Variants in EEF1AKMT1 observed in about 807,000 individuals in gnomAD.
The protein encoded by EEF1AKMT1 is N-6 adenine-specific DNA methyltransferase 2 (putative).
EEF1AKMT1 carries 18 observed loss-of-function variants against 21.0 expected under a neutral mutation model. The observed-to-expected ratio is 0.86, with a 90% confidence interval of 0.59 to 1.27. EEF1AKMT1 has a LOEUF of 1.27. Ranked by LOEUF, EEF1AKMT1 falls within the 50% of genes most tolerant of loss-of-function variation. The probability of loss-of-function intolerance (pLI) is 0.00; values close to 1 mark genes in which losing one functional copy is unlikely to be tolerated. For synonymous variants in EEF1AKMT1, 109 were observed against 94.8 expected, an observed-to-expected ratio of 1.15 and a Z score of -0.87; for missense variants, 246 against 258.6, an observed-to-expected ratio of 0.95 and a Z score of 0.33.
intron 1 of EEF1AKMT1, among the ~76,000 whole-genome samples, chr13:20,758,974 A>G (rs1237361570): frequency 6.6e-6 from 1 of 152,232 alleles, no homozygotes; most frequent in Non-Finnish European, 1.5e-5. Flanking sequence ...CCATTTGCAG[A>G]AGAGTAAAAC....
intron 1 of EEF1AKMT1, among the ~76,000 whole-genome samples, chr13:20,769,560 G>C (rs369737304): frequency 6.6e-6 from 1 of 152,108 alleles, no homozygotes; most frequent in Non-Finnish European, 1.5e-5. Context: ...CATTCCCAGG[G>C]AAAGGCATGG....
chr13:20,732,259 GTTA>G, intron 3 of EEF1AKMT1, 138 bp from the exon 4 acceptor site: 1 of 885,986 alleles, frequency 1.1e-6, no homozygotes, highest in Non-Finnish European at 1.7e-6. Flanking sequence ...TAGTGTAATA[GTTA>G]ATGTTGAGAA....
intron 3 of EEF1AKMT1, among the ~76,000 whole-genome samples, chr13:20,733,508 C>T (rs1487689918): frequency 1.3e-5 from 2 of 152,202 alleles, no homozygotes; most frequent in Admixed American, 1.3e-4. Flanking sequence ...CCACTGTGCC[C>T]AGCTGGTATG....
At chr13:20,752,065 T>C (rs1338644613) in intron 2 of EEF1AKMT1, among the ~76,000 whole-genome samples, 3 of 152,140 alleles carry the variant, frequency 2.0e-5, no homozygotes, top group Admixed American at 1.3e-4. Context: ...TTTCTCTAGG[T>C]GTAAGATCAT....
chr13:20,773,849 C>A (rs928898627), intron 1 of EEF1AKMT1, 72 bp downstream of exon 1: 3 of 152,614 alleles, frequency 2.0e-5, no homozygotes, highest in African/African-American at 7.2e-5. Context: ...ACACAAAAGG[C>A]ACCTAACCCA....
intron 1 of EEF1AKMT1, among the ~76,000 whole-genome samples, chr13:20,761,555 C>A (rs544630682): frequency 6.6e-6 from 1 of 152,214 alleles, no homozygotes; most frequent in African/African-American, 2.4e-5. Flanking sequence ...TTTTCATTTT[C>A]ATTTCTCTGG....
chr13:20,767,905 GTCTAA>G, intron 1 of EEF1AKMT1, among the ~76,000 whole-genome samples: 1 of 152,216 alleles, frequency 6.6e-6, no homozygotes, highest in Non-Finnish European at 1.5e-5. Flanking sequence ...ATTCTTCTAT[GTCTAA>G]TCTATTAATC....
At chr13:20,766,298 C>CAAAAAAAAAAAAAAAAAAAAA (rs35866979) in intron 1 of EEF1AKMT1, among the ~76,000 whole-genome samples, 1 of 76,764 alleles carries the variant, frequency 1.3e-5, no homozygotes, top group Non-Finnish European at 2.3e-5. Context: ...GACTCCATCT[C>CAAAAAAAAAAAAAAAAAAAAA]AAAAAAAAAA....
intron 3 of EEF1AKMT1, among the ~76,000 whole-genome samples, chr13:20,736,126 A>C (rs1407573690): frequency 1.3e-5 from 2 of 152,232 alleles, no homozygotes; most frequent in Non-Finnish European, 2.9e-5. Flanking sequence ...AGGACCCAGG[A>C]CAATAGATAA....
chr13:20,766,778 C>CA (rs1566539851), intron 1 of EEF1AKMT1, among the ~76,000 whole-genome samples: 1 of 151,542 alleles, frequency 6.6e-6, no homozygotes. Flanking sequence ...GCCAAGATCA[C>CA]ACCACTGCAC....
intron 4 of EEF1AKMT1, 36 bp downstream of exon 4, chr13:20,731,805 C>A: frequency 1.3e-6 from 2 of 1,581,976 alleles, no homozygotes; most frequent in South Asian, 2.3e-5. Flanking sequence ...TAGCCACTGT[C>A]AGTGACTTTG....
intron 4 of EEF1AKMT1, 105 bp downstream of exon 4, chr13:20,731,736 T>C (rs1334726233): frequency 2.7e-5 from 32 of 1,177,218 alleles, no homozygotes; most frequent in Non-Finnish European, 3.5e-5. Context: ...AATAACTTGT[T>C]CACAAGTCAC....
chr13:20,768,820 ATTC>A (rs1478707987), intron 1 of EEF1AKMT1: 1 of 152,186 alleles, frequency 6.6e-6, no homozygotes, highest in Non-Finnish European at 1.5e-5. Flanking sequence ...CTATGCATGC[ATTC>A]TTGTTTTAAA....
chr13:20,728,942 C>CA lies in EEF1AKMT1; in HGVS notation c.*137dup, dbSNP rs1461913915. Reference sequence around the variant, plus strand: ...TAAGGAAACAATAATGAAGATCGCACACTTTATTTTGAAAACCAGGCCAGG... The same window carrying CA: ...TAAGGAAACAATAATGAAGATCGCACAACTTTATTTTGAAAACCAGGCCAGG... On this transcript the variant is annotated 3_prime_UTR_variant, in exon 5 of 5. Transcript: ENST00000382758. 8.9e-7 allele frequency: 1 copy of CA among 1,117,758 alleles called. No homozygotes were observed. The highest frequency in any genetic ancestry group is 1.3e-6 in the Non-Finnish European group (1 of 766,850). The allele number at this position is 1,117,758 out of a possible 1,614,324, so 69.2% of individuals were successfully genotyped here. A position where few individuals can be genotyped will look rare whatever the true frequency, so the allele number is the denominator to read the frequency against.
At chr13:20,772,921 C>G (rs9506553) in intron 1 of EEF1AKMT1, among the ~76,000 whole-genome samples, 127,395 of 152,174 alleles carry the variant, frequency 0.84, 53,517 homozygotes, top group East Asian at 1. Flanking sequence ...TGATTCAGAG[C>G]AAAGAGCATT....
At chr13:20,766,550 G>A (rs1026112116) in intron 1 of EEF1AKMT1, among the ~76,000 whole-genome samples, 2 of 151,962 alleles carry the variant, frequency 1.3e-5, no homozygotes, top group Non-Finnish European at 2.9e-5. Flanking sequence ...GGCTGGGTGC[G>A]GTGGCTCACG....
intron 1 of EEF1AKMT1, among the ~76,000 whole-genome samples, chr13:20,759,895 G>C (rs1388121244): frequency 6.6e-6 from 1 of 152,100 alleles, no homozygotes; most frequent in Non-Finnish European, 1.5e-5. Flanking sequence ...ACGAGGTCAG[G>C]AGATTGAAAC....
intron 1 of EEF1AKMT1, among the ~76,000 whole-genome samples, chr13:20,771,176 C>T (rs765856506): frequency 6.6e-6 from 1 of 152,136 alleles, no homozygotes; most frequent in Non-Finnish European, 1.5e-5. Context: ...CCAGCCAATT[C>T]CATTTTTATT....
intron 2 of EEF1AKMT1, among the ~76,000 whole-genome samples, chr13:20,739,335 G>A (rs1003228592): frequency 1.2e-4 from 18 of 152,262 alleles, no homozygotes; most frequent in African/African-American, 2.9e-4. Context: ...AGCATGGAAG[G>A]CAACCCAAGA....
Sources: gnomAD v4.1 joint callset for allele counts (sites outside exome capture counted in the v4.1 genomes callset) on GRCh38, gnomAD v4.1.1 for gene constraint, MANE v1.5 for transcripts, NCBI Gene and HGNC (gene_info 2026-07-23, HGNC 2026-07-21) for gene names.